Variants in KLHL12 observed in about 807,000 individuals in gnomAD.
KLHL12 encodes kelch-like protein 12.
Under a neutral mutation model 60.8 loss-of-function variants are expected in KLHL12, and 17 were observed. That is an observed-to-expected ratio of 0.28 (90% confidence interval 0.19 to 0.42). The LOEUF is 0.42. Among genes scored for constraint, KLHL12 ranks in the 10% least tolerant of loss-of-function variants. The probability of loss-of-function intolerance (pLI) is 1.00; values close to 1 mark genes in which losing one functional copy is unlikely to be tolerated. For synonymous variants in KLHL12, 220 were observed against 250.9 expected (o/e 0.88, Z 1.16); for missense variants, 468 against 722.3 (o/e 0.65, Z 4.04).
chr1:202,894,324 A>C, intron 9 of KLHL12, 42 bp from the exon 10 acceptor site: 3 of 1,358,580 alleles, frequency 2.2e-6, no homozygotes, highest in South Asian at 1.3e-5. Context: ...GTAAATCCTC[A>C]TGCCCATTCC....
chr1:202,919,830 A>T lies in KLHL12; in HGVS notation c.274T>A (p.Tyr92Asn). ...STMEILLDFV[Y>N]TETVHVTVEN... ...ACTGTCACATGTACTGTTTCTGTGT[A>T]CACAAAGTCCAATAAAATTTCCATG... The change falls in exon 3 of 12, where the codon TAC (tyrosine) becomes AAC (asparagine). Residue 92 changes from tyrosine to asparagine, a missense_variant. Transcript: ENST00000367261. 1 of 1,613,946 alleles carries T rather than the reference A, an allele frequency of 6.2e-7. No homozygotes were observed. Among genetic ancestry groups the T allele is most frequent in the Non-Finnish European group, 8.5e-7 (1 of 1,179,850 alleles).
chr1:202,926,857 C>T (rs554964809), intron 1 of KLHL12, among the ~76,000 whole-genome samples: 7 of 152,270 alleles, frequency 4.6e-5, no homozygotes, highest in South Asian at 4.1e-4. Flanking sequence ...CTAATACCAC[C>T]AGGCATATGG....
At position 202,892,301 on chromosome 1, in the gene KLHL12, C is replaced by T. The variant is rs908280961; in HGVS notation, c.*232G>A. 1 of 499,104 alleles carries T rather than the reference C, an allele frequency of 2.0e-6. No homozygotes were observed. Among genetic ancestry groups the T allele is most frequent in the African/African-American group, 1.9e-5 (1 of 51,320 alleles). The allele number at this position is 499,104 out of a possible 1,614,324, so 30.9% of individuals were successfully genotyped here. On this transcript the variant is annotated 3_prime_UTR_variant, in exon 12 of 12. Transcript: ENST00000367261. The stretch of plus-strand genomic sequence containing the variant: ...GTGGGAGAGGCAATGTGGTCTCTCA[C>T]ATCCATTCAATGTGCATTCTTTTTC...
intron 6 of KLHL12, among the ~76,000 whole-genome samples, chr1:202,900,854 ACT>A (rs1659984926): frequency 6.6e-6 from 1 of 151,788 alleles, no homozygotes; most frequent in South Asian, 2.1e-4. Flanking sequence ...ACAGAGCAAG[ACT>A]CTGTCTCAAA....
At chr1:202,927,627 C>T (rs1460449142), upstream of KLHL12, among the ~76,000 whole-genome samples, 3 of 142,536 alleles carry the variant, frequency 2.1e-5, no homozygotes, top group Non-Finnish European at 4.5e-5. Context: ...TTGCAGTGAG[C>T]CAGGATCGCC....
At chr1:202,900,427 G>A (rs1557988181) in intron 6 of KLHL12, among the ~76,000 whole-genome samples, 1 of 152,124 alleles carries the variant, frequency 6.6e-6, no homozygotes, top group Non-Finnish European at 1.5e-5. Context: ...GCAAATGCCT[G>A]TAGTCCCAGC....
upstream of KLHL12, chr1:202,928,481 C>G (rs1391857396): frequency 1.5e-6 from 2 of 1,301,462 alleles, no homozygotes; most frequent in Non-Finnish European, 1.0e-6. Flanking sequence ...TATGTTTTAC[C>G]TTCCAGGTAC....
chr1:202,900,358 A>G (rs2102415252), intron 6 of KLHL12, among the ~76,000 whole-genome samples: 1 of 151,856 alleles, frequency 6.6e-6, no homozygotes, highest in Non-Finnish European at 1.5e-5. Context: ...ACTTTGGGTA[A>G]CATGGTGAGA....
chr1:202,918,092 GGTAA>G (rs752509085), intron 4 of KLHL12, 75 bp downstream of exon 4: 3 of 1,002,008 alleles, frequency 3.0e-6, no homozygotes, highest in Non-Finnish European at 4.6e-6. Context: ...AAGCCCTGAT[GGTAA>G]GTAACTGCAT....
At chr1:202,906,022 T>G (rs1463825483) in intron 6 of KLHL12, among the ~76,000 whole-genome samples, 1 of 137,342 alleles carries the variant, frequency 7.3e-6, no homozygotes, top group Non-Finnish European at 1.6e-5. Context: ...GGTTTCACCG[T>G]GTTAGCCTGG....
rs1660581008 is a variant in KLHL12, at chr1:202,918,216, C to T, written c.522G>A (p.Leu174=). The change falls in exon 4 of 12, where the codon CTG becomes CTA. Residue 174 remains leucine, a synonymous_variant. Transcript: ENST00000367261. ...TTAGCTTTTCCACCTCTCCTTGACTCAGAAGAATGAACTCTTCATGCTGTA... is the reference window on the plus strand; with the variant it reads ...TTAGCTTTTCCACCTCTCCTTGACTTAGAAGAATGAACTCTTCATGCTGTA... ...EVVQHEEFIL[L]SQGEVEKLIK... 3 of 1,614,142 alleles carry T rather than the reference C, an allele frequency of 1.9e-6. No individual in the cohort carries two copies. The highest frequency in any genetic ancestry group is 2.5e-6 in the Non-Finnish European group (3 of 1,180,012).
At chr1:202,896,799 C>T in intron 7 of KLHL12, 55 bp downstream of exon 7, 1 of 1,300,446 alleles carries the variant, frequency 7.7e-7, no homozygotes, top group Non-Finnish European at 1.1e-6. Flanking sequence ...GATCTGGAGG[C>T]AGAGACTGAG....
At chr1:202,921,309 G>T (rs2102456590) in intron 2 of KLHL12, among the ~76,000 whole-genome samples, 1 of 152,166 alleles carries the variant, frequency 6.6e-6, no homozygotes, top group Non-Finnish European at 1.5e-5. Context: ...TGAGTAGCTG[G>T]GACTACAGGC....
intron 6 of KLHL12, among the ~76,000 whole-genome samples, chr1:202,901,333 T>C (rs1197414053): frequency 6.6e-6 from 1 of 151,956 alleles, no homozygotes; most frequent in African/African-American, 2.4e-5. Context: ...TGGCACAATC[T>C]CAGCTCACCA....
At position 202,909,249 on chromosome 1, in the gene KLHL12, CAGG is replaced by C; in HGVS notation, c.718-128_718-126del. 4 of 589,802 alleles carry C rather than the reference CAGG, an allele frequency of 6.8e-6. No homozygotes were observed. The highest frequency in any genetic ancestry group is 1.2e-5 in the Non-Finnish European group (4 of 328,664). 36.5% of individuals were successfully genotyped at this position (589,802 alleles called of 1,614,324 possible). Reference sequence around the variant, plus strand: ...ACCAGTTTGCAAAGCCCTGTGATTCCAGGAGTATTGCTGGTAGTAACCATGCTC... The same window carrying C: ...ACCAGTTTGCAAAGCCCTGTGATTCCAGTATTGCTGGTAGTAACCATGCTC... On this transcript the variant is annotated intron_variant, in intron 5 of 11. Coordinates refer to ENST00000367261, the MANE Select transcript of KLHL12 (RefSeq NM_021633.4). The surrounding 1 kb of genome is among the most constrained non-coding windows in gnomAD (Gnocchi z 4.1).
In KLHL12 at chr1:202,924,840, C is replaced by T. The variant is rs543502795; in HGVS notation, c.195+128G>A. 3 of 1,104,112 alleles carry T rather than the reference C, an allele frequency of 2.7e-6. No individual in the cohort carries two copies. In the African/African-American group the frequency reaches 4.8e-5, roughly 18 times the overall value. The allele number at this position is 1,104,112 out of a possible 1,614,324, so 68.4% of individuals were successfully genotyped here. The stretch of plus-strand genomic sequence containing the variant: ...TAGTCATCTAAGTGGTAGATCTTAT[C>T]CAGAATCTGCCAAAACATCACACTG... On this transcript the variant is annotated intron_variant, in intron 2 of 11. Coordinates refer to ENST00000367261, the MANE Select transcript of KLHL12 (RefSeq NM_021633.4).
At chr1:202,908,628 A>G (rs1441267052) in intron 6 of KLHL12, among the ~76,000 whole-genome samples, 1 of 152,162 alleles carries the variant, frequency 6.6e-6, no homozygotes, top group Non-Finnish European at 1.5e-5. Context: ...TGGAAAAACC[A>G]CATAAGGGGA....
intron 2 of KLHL12, among the ~76,000 whole-genome samples, chr1:202,922,220 C>G (rs193013397): frequency 1.8e-4 from 28 of 152,182 alleles, no homozygotes; most frequent in African/African-American, 6.5e-4. Context: ...ACTATTTCAT[C>G]TGATTCTCAC....
chr1:202,902,527 A>G (rs1177315116), intron 6 of KLHL12, among the ~76,000 whole-genome samples: 3 of 151,940 alleles, frequency 2.0e-5, no homozygotes, highest in African/African-American at 7.3e-5. Flanking sequence ...TATATGAATA[A>G]CTCTTTTAGT....
Sources: allele counts gnomAD v4.1 joint callset (sites outside exome capture counted in the v4.1 genomes callset), GRCh38; gene constraint gnomAD v4.1.1; non-coding constraint Gnocchi (gnomAD v3.1); transcripts MANE v1.5; gene names NCBI Gene and HGNC (gene_info 2026-07-23, HGNC 2026-07-21).